Variants in DIAPH2 observed in about 807,000 individuals in gnomAD.
DIAPH2 encodes diaphanous related formin 2.
A neutral mutation model predicts 92.7 loss-of-function variants in DIAPH2; 35 were observed. That is an observed-to-expected ratio of 0.38 (90% CI 0.29 to 0.50). The LOEUF (loss-of-function observed/expected upper bound fraction) is 0.50, where lower values mean the gene tolerates loss of function less well. Among genes scored for constraint, DIAPH2 ranks in the 20% least tolerant of loss-of-function variants. The probability of loss-of-function intolerance (pLI) is 0.94; values close to 1 mark genes in which losing one functional copy is unlikely to be tolerated. For synonymous variants in DIAPH2, 301 were observed against 280.4 expected, an observed-to-expected ratio of 1.07 and a Z score of -0.73; for missense variants, 701 against 819.5, an observed-to-expected ratio of 0.86 and a Z score of 1.77.
At chrX:97,389,827 A>G (rs1004233218) in intron 25 of DIAPH2, among the ~76,000 whole-genome samples, 1 of 110,119 alleles carries the variant, frequency 9.1e-6, no homozygotes, top group Non-Finnish European at 1.9e-5. Context: ...CTCGGAGAGT[A>G]GGGGGCTGGA....
chrX:97,410,229 G>T (rs1602569993), intron 25 of DIAPH2, among the ~76,000 whole-genome samples: 1 of 112,253 alleles, frequency 8.9e-6, no homozygotes, highest in South Asian at 3.7e-4. Flanking sequence ...TGCAATATTT[G>T]CTGTTCTGCA....
chrX:96,885,694 TTAAA>T (rs1344029331), intron 5 of DIAPH2, among the ~76,000 whole-genome samples: 11 of 111,378 alleles, frequency 9.9e-5, no homozygotes, highest in Non-Finnish European at 2.1e-4. Context: ...TATACTGTGT[TTAAA>T]TAAACCATTT....
At chrX:96,875,289 A>G (rs752608910) in intron 4 of DIAPH2, among the ~76,000 whole-genome samples, 9 of 111,899 alleles carry the variant, frequency 8.0e-5, no homozygotes, top group Non-Finnish European at 1.7e-4. Context: ...TGCTCAAAAA[A>G]TCATCTAAAT....
chrX:97,409,694 A>C (rs2069847227), intron 25 of DIAPH2, among the ~76,000 whole-genome samples: 1 of 112,147 alleles, frequency 8.9e-6, no homozygotes, highest in South Asian at 3.8e-4. Flanking sequence ...CAATAGTCTT[A>C]GCAAATGGCA....
intron 23 of DIAPH2, among the ~76,000 whole-genome samples, chrX:97,300,594 G>A (rs1283316177): frequency 1.2e-5 from 1 of 85,447 alleles, no homozygotes. Context: ...AACTCTACTA[G>A]TAATTTTTTT....
chrX:97,521,638 C>A (rs1236587757), intron 26 of DIAPH2, among the ~76,000 whole-genome samples: 2 of 111,086 alleles, frequency 1.8e-5, no homozygotes, highest in Non-Finnish European at 3.8e-5. Context: ...CTCAGGAGAT[C>A]TGATGGTTTT....
intron 23 of DIAPH2, among the ~76,000 whole-genome samples, chrX:97,261,286 T>C (rs2068286382): frequency 8.9e-6 from 1 of 112,460 alleles, no homozygotes; most frequent in African/African-American, 3.2e-5. Context: ...AAGAATTCCA[T>C]AATTGTTTTA....
intron 25 of DIAPH2, among the ~76,000 whole-genome samples, chrX:97,402,364 C>G (rs1179664535): frequency 1.8e-5 from 2 of 111,165 alleles, no homozygotes; most frequent in Non-Finnish European, 1.9e-5. Flanking sequence ...GATAACTGTT[C>G]AGGAACACAT....
intron 4 of DIAPH2, among the ~76,000 whole-genome samples, chrX:96,843,654 A>C (rs1410002666): frequency 2.7e-5 from 3 of 111,341 alleles, no homozygotes; most frequent in Admixed American, 1.9e-4. Context: ...AAAGAAAAAA[A>C]CTTTAAGCAG....
chrX:97,094,698 A>G (rs979584172), intron 19 of DIAPH2, among the ~76,000 whole-genome samples: 1 of 112,333 alleles, frequency 8.9e-6, no homozygotes, highest in African/African-American at 3.2e-5. Context: ...ATGGAAGGCA[A>G]ATTACTCAGT....
At chrX:97,293,487 G>A (rs142700814) in intron 23 of DIAPH2, among the ~76,000 whole-genome samples, 4,003 of 110,123 alleles carry the variant, frequency 0.036, 84 homozygotes, top group Non-Finnish European at 0.058. Flanking sequence ...TCCTGACCTC[G>A]TAATCTGCCC....
chrX:96,947,726 A>G (rs777349980), intron 14 of DIAPH2, among the ~76,000 whole-genome samples: 1 of 112,419 alleles, frequency 8.9e-6, no homozygotes, highest in South Asian at 3.7e-4. Context: ...ATTGTTCCAC[A>G]AACTCTTAAG....
intron 22 of DIAPH2, 63 bp from the exon 23 acceptor site, chrX:97,247,652 C>CT (rs1386030055): frequency 1.9e-6 from 2 of 1,069,829 alleles, no homozygotes; most frequent in African/African-American, 3.7e-5. Flanking sequence ...ATAATGTCTC[C>CT]TTTTAGATGT....
intron 26 of DIAPH2, among the ~76,000 whole-genome samples, chrX:97,497,525 G>A (rs1354214440): frequency 9.1e-6 from 1 of 109,378 alleles, no homozygotes; most frequent in African/African-American, 3.3e-5. Context: ...TGTAACGGAG[G>A]CCAGGCACAG....
intron 19 of DIAPH2, among the ~76,000 whole-genome samples, chrX:97,091,038 G>A (rs1464449125): frequency 2.7e-5 from 3 of 110,838 alleles, no homozygotes; most frequent in South Asian, 3.8e-4. Context: ...CAGGATATTC[G>A]CTCTGTTGCC....
At chrX:97,300,849 G>T (rs754524511) in intron 23 of DIAPH2, among the ~76,000 whole-genome samples, 1 of 96,648 alleles carries the variant, frequency 1.0e-5, no homozygotes, top group Non-Finnish European at 2.0e-5. Flanking sequence ...GGAGAATGGC[G>T]TGAACCCGGG....
At chrX:97,321,844 C>A (rs752123661) in intron 23 of DIAPH2, among the ~76,000 whole-genome samples, 2 of 111,578 alleles carry the variant, frequency 1.8e-5, no homozygotes, top group South Asian at 7.5e-4. Context: ...CCACCGCGCC[C>A]GGCCATGTAT....
intron 24 of DIAPH2, among the ~76,000 whole-genome samples, chrX:97,369,848 C>CA (rs202111849): frequency 0.028 from 3,072 of 111,072 alleles, 35 homozygotes; most frequent in Non-Finnish European, 0.039. Context: ...CCCCATACTG[C>CA]AAAAAAAATC....
chrX:97,348,583 C>T (rs7879740), intron 24 of DIAPH2, among the ~76,000 whole-genome samples: 1 of 111,838 alleles, frequency 8.9e-6, no homozygotes, highest in African/African-American at 3.2e-5. Flanking sequence ...TTTTATATAG[C>T]ATAATATTAT....
Sources: gnomAD v4.1 joint callset for allele counts (sites outside exome capture counted in the v4.1 genomes callset) on GRCh38, gnomAD v4.1.1 for gene constraint, MANE v1.5 for transcripts, NCBI Gene and HGNC (gene_info 2026-07-23, HGNC 2026-07-21) for gene names.